LRRC37A2: variants seen among roughly 807,000 people sequenced by gnomAD.
The protein encoded by LRRC37A2 is leucine rich repeat containing 37 member A2.
A neutral mutation model predicts 68.8 loss-of-function variants in LRRC37A2; 9 were observed. That is an observed-to-expected ratio of 0.13 (90% CI 0.08 to 0.23). The LOEUF is 0.23. Ranked by LOEUF, LRRC37A2 falls within the 10% of genes least tolerant of loss-of-function variation. The pLI, the probability that LRRC37A2 is intolerant of heterozygous loss-of-function variation, is 1.00. For missense variants in LRRC37A2, 168 were observed against 950.4 expected (o/e 0.18, Z 10.82); for synonymous variants, 63 against 367.6 (o/e 0.17, Z 9.48).
the LRRC37A2 span, among the ~76,000 whole-genome samples, chr17:46,787,369 G>A: frequency 1.3e-5 from 2 of 152,216 alleles, no homozygotes; most frequent in African/African-American, 4.8e-5. Context: ...GGCCACGCAT[G>A]TTAGTGATTC....
chr17:47,010,596 G>T, the LRRC37A2 span: 1 of 152,290 alleles, frequency 6.6e-6, no homozygotes, highest in Non-Finnish European at 1.5e-5. Context: ...CCAGAAGGCT[G>T]GGGTGGTCCA....
At chr17:46,911,177 C>T in the LRRC37A2 span, among the ~76,000 whole-genome samples, 2 of 152,164 alleles carry the variant, frequency 1.3e-5, no homozygotes, top group African/African-American at 4.8e-5. Flanking sequence ...AGTATTGCTT[C>T]CTTATTAAAG....
chr17:46,885,912 C>T, the LRRC37A2 span: 20 of 152,420 alleles, frequency 1.3e-4, no homozygotes, highest in African/African-American at 4.8e-4. Context: ...CTGCCTCAAC[C>T]ACAAGAACAA....
chr17:46,942,036 G>A, the LRRC37A2 span: 1 of 777,590 alleles, frequency 1.3e-6, no homozygotes, highest in Non-Finnish European at 1.6e-6. Context: ...GTCCAAAAAA[G>A]ATTTGAGGAG....
the LRRC37A2 span, among the ~76,000 whole-genome samples, chr17:46,693,469 T>C: frequency 6.6e-6 from 1 of 151,708 alleles, no homozygotes; most frequent in Non-Finnish European, 1.5e-5. Flanking sequence ...AACTTCCTCT[T>C]TTAGCTGTTT....
the LRRC37A2 span, among the ~76,000 whole-genome samples, chr17:46,752,630 A>AT: frequency 2.6e-5 from 4 of 151,922 alleles, no homozygotes; most frequent in Non-Finnish European, 5.9e-5. Context: ...TAATTTTTGT[A>AT]TTTTTTGTAG....
chr17:46,969,300 G>T, the LRRC37A2 span, among the ~76,000 whole-genome samples: 4 of 152,216 alleles, frequency 2.6e-5, no homozygotes, highest in Non-Finnish European at 5.9e-5. Context: ...CCTGGTCCTT[G>T]TGCCCCCTGG....
intron 8 of LRRC37A2, among the ~76,000 whole-genome samples, chr17:46,545,789 G>C (rs1161129749): frequency 1.4e-5 from 2 of 147,942 alleles, no homozygotes; most frequent in East Asian, 3.9e-4. Context: ...TTTGACCAAT[G>C]CAGTCTTTGT....
the LRRC37A2 span, chr17:46,930,948 T>C: frequency 3.1e-6 from 2 of 642,326 alleles, no homozygotes; most frequent in Non-Finnish European, 5.6e-6. Flanking sequence ...ACTTGAATTT[T>C]TTCTGTTATT....
the LRRC37A2 span, among the ~76,000 whole-genome samples, chr17:46,865,833 A>G: frequency 1.9e-3 from 287 of 152,170 alleles, 2 homozygotes; most frequent in Admixed American, 8.9e-3. Context: ...GCTGGTTTTG[A>G]ACTCCTAGGC....
At chr17:46,997,167 A>G in the LRRC37A2 span, among the ~76,000 whole-genome samples, 1 of 152,146 alleles carries the variant, frequency 6.6e-6, no homozygotes, top group Admixed American at 6.6e-5. Context: ...CCTGGGTAAC[A>G]TGGTGAAACC....
the LRRC37A2 span, among the ~76,000 whole-genome samples, chr17:46,828,790 C>A: frequency 6.7e-6 from 1 of 148,990 alleles, no homozygotes; most frequent in Non-Finnish European, 1.5e-5. Flanking sequence ...GAAACCCTAT[C>A]TCTACAAAAA....
At chr17:46,734,572 C>T in the LRRC37A2 span, among the ~76,000 whole-genome samples, 1 of 151,980 alleles carries the variant, frequency 6.6e-6, no homozygotes, top group Admixed American at 6.6e-5. Context: ...TCTCTGAGGA[C>T]AAAGGAAATT....
At chr17:46,498,894 T>C in the LRRC37A2 span, among the ~76,000 whole-genome samples, 12 of 150,824 alleles carry the variant, frequency 8.0e-5, no homozygotes, top group Non-Finnish European at 1.6e-4. Flanking sequence ...TATATATATC[T>C]ACATATATAT....
chr17:47,001,969 C>T, the LRRC37A2 span, among the ~76,000 whole-genome samples: 2 of 151,918 alleles, frequency 1.3e-5, no homozygotes, highest in Non-Finnish European at 2.9e-5. Flanking sequence ...GAACTCCTCG[C>T]CTCAAGTGAT....
At chr17:46,717,923 A>G in the LRRC37A2 span, among the ~76,000 whole-genome samples, 12 of 152,190 alleles carry the variant, frequency 7.9e-5, no homozygotes, top group African/African-American at 2.7e-4. Flanking sequence ...GCCTTCAGCA[A>G]GACAACAAAG....
At chr17:46,874,867 T>C in the LRRC37A2 span, 1 of 661,310 alleles carries the variant, frequency 1.5e-6, no homozygotes. Flanking sequence ...CACGAGCCAC[T>C]GTGCCCAGCC....
the LRRC37A2 span, among the ~76,000 whole-genome samples, chr17:46,771,758 CCCCCGCGCCGCGCCGCGCCG>C: frequency 3.3e-5 from 1 of 30,478 alleles, no homozygotes; most frequent in African/African-American, 9.5e-5. Context: ...GCGCCCCCCG[CCCCCGCGCCGCGCCGCGCCG>C]CGCCGCGCCG....
chr17:46,899,409 C>T, the LRRC37A2 span, among the ~76,000 whole-genome samples: 1 of 151,220 alleles, frequency 6.6e-6, no homozygotes, highest in East Asian at 1.9e-4. Flanking sequence ...TGTCTCAAAA[C>T]AAACAAACAA....
Sources: allele counts gnomAD v4.1 joint callset (sites outside exome capture counted in the v4.1 genomes callset), GRCh38; gene constraint gnomAD v4.1.1; transcripts MANE v1.5; gene names NCBI Gene and HGNC (gene_info 2026-07-23, HGNC 2026-07-21).